NHSL1: variants seen among roughly 807,000 people sequenced by gnomAD.
NHSL1 encodes NHS like 1.
Under a neutral mutation model 95.0 loss-of-function variants are expected in NHSL1, and 48 were observed. The observed-to-expected ratio is 0.51, with a 90% confidence interval of 0.40 to 0.64. NHSL1 has a LOEUF of 0.64. Ranked by LOEUF, NHSL1 falls within the 30% of genes least tolerant of loss-of-function variation. The pLI, the probability that NHSL1 is intolerant of heterozygous loss-of-function variation, is 0.00. For synonymous variants in NHSL1, 783 were observed against 833.9 expected (o/e 0.94, Z 1.05); for missense variants, 1,971 against 2,077.7 (o/e 0.95, Z 1.00).
At chr6:138,484,930 G>A (rs933480067) in intron 2 of NHSL1, among the ~76,000 whole-genome samples, 2 of 152,164 alleles carry the variant, frequency 1.3e-5, no homozygotes, top group Non-Finnish European at 2.9e-5. Context: ...CACATGCCCA[G>A]ATTAATTTAA....
intron 1 of NHSL1, among the ~76,000 whole-genome samples, chr6:138,561,625 T>C (rs1783413798): frequency 1.3e-5 from 2 of 152,178 alleles, no homozygotes; most frequent in Non-Finnish European, 2.9e-5. Flanking sequence ...GAAGGTTGCT[T>C]TATATCAAGT....
intron 2 of NHSL1, among the ~76,000 whole-genome samples, chr6:138,481,432 T>C (rs1779413002): frequency 6.6e-6 from 1 of 152,248 alleles, no homozygotes; most frequent in African/African-American, 2.4e-5. Flanking sequence ...AGATTTTCCA[T>C]AAATTCTTCA....
intron 1 of NHSL1, among the ~76,000 whole-genome samples, chr6:138,643,446 G>A (rs1275743629): frequency 6.6e-6 from 1 of 152,110 alleles, no homozygotes; most frequent in Non-Finnish European, 1.5e-5. Context: ...GACATTTTAT[G>A]TGTCTGGACA....
rs1775119496 is a variant in NHSL1, at chr6:138,424,422, C to T, written c.4480G>A (p.Gly1494Ser). 6.5e-7 allele frequency: 1 copy of T among 1,550,080 alleles called. No individual in the cohort carries two copies. The highest frequency in any genetic ancestry group is 1.2e-5 in the South Asian group (1 of 84,018). ...GTTCGGCTGCGGCCGTACCTGGGGC[C>T]GGAAAAGGACAGACTCCGAGGCATC... ...GLMPRSLSFS[G>S]PRYGRSRTPP... The change falls in exon 8 of 8, where the codon GGC becomes AGC. Residue 1494 changes from glycine (G) to serine (S), a missense_variant. Around this residue, in one of 3 missense-constraint regions of NHSL1, gnomAD observed 223 missense variants for 217.0 expected, o/e 1.03. Coordinates refer to ENST00000343505, the MANE Select transcript of NHSL1 (RefSeq NM_001144060.2). This position sits in a 1 kb window ranked among gnomAD's most constrained non-coding sequence, Gnocchi z 5.9.
intron 3 of NHSL1, among the ~76,000 whole-genome samples, chr6:138,460,543 A>G (rs571316263): frequency 3.3e-5 from 5 of 152,036 alleles, no homozygotes; most frequent in African/African-American, 1.2e-4. Context: ...ACATTATATT[A>G]GTTATTATAA....
In NHSL1 at chr6:138,424,048, C is replaced by T; in HGVS notation, c.*33G>A. 2.2e-6 allele frequency: 3 copies of T among 1,355,066 alleles called. No individual in the cohort carries two copies. Among genetic ancestry groups the T allele is most frequent in the Non-Finnish European group, 1.9e-6 (2 of 1,056,720 alleles). 83.9% of individuals were successfully genotyped at this position (1,355,066 alleles called of 1,614,324 possible). ...TAGAGTGCTGCATTGCTCGTCTCCC[C>T]CCGTGTCACCTGGGAGAGTTACGTT... On this transcript the variant is annotated 3_prime_UTR_variant, in exon 8 of 8. Transcript: ENST00000343505. This position sits in a 1 kb window ranked among gnomAD's most constrained non-coding sequence, Gnocchi z 5.9.
intron 3 of NHSL1, among the ~76,000 whole-genome samples, chr6:138,453,892 TG>T (rs1777403954): frequency 6.6e-6 from 1 of 151,732 alleles, no homozygotes; most frequent in South Asian, 2.1e-4. Flanking sequence ...TAAAATATTT[TG>T]GATCTTAACT....
rs1775503468 is a variant in NHSL1 at position 138,429,759 on chromosome 6, G to T, written c.4037C>A (p.Thr1346Asn). ...TTCTGTGGTCCTGGGTCGACTGGGG[G>T]TCATTACCTCATCATTCCCGTCTTC... ...LKEDGNDEVM[T>N]PSRPRTTEDL... Residue 1346 changes from threonine to asparagine, a missense_variant, in exon 7 of 8, where the codon ACC becomes AAC. This residue lies in a region of NHSL1 where 146 missense variants were observed against 206.3 expected (regional missense o/e 0.71). Coordinates refer to ENST00000343505, the MANE Select transcript of NHSL1 (RefSeq NM_001144060.2). 4 of 1,551,848 alleles carry T rather than the reference G, an allele frequency of 2.6e-6. No homozygotes were observed. Among genetic ancestry groups the T allele is most frequent in the Admixed American group, 2.0e-5 (1 of 50,994 alleles).
chr6:138,622,269 G>A (rs1055879307), intron 1 of NHSL1, among the ~76,000 whole-genome samples: 4 of 152,100 alleles, frequency 2.6e-5, no homozygotes, highest in Admixed American at 6.6e-5. Flanking sequence ...TTAGGAGGCC[G>A]AGGTGGGTGG....
intron 1 of NHSL1, among the ~76,000 whole-genome samples, chr6:138,517,551 G>C (rs1210040659): frequency 2.0e-5 from 3 of 152,220 alleles, no homozygotes; most frequent in Non-Finnish European, 4.4e-5. Flanking sequence ...AAGACAGCCA[G>C]TGCCTTGTTA....
At chr6:138,687,741 G>C (rs2114800138) in intron 1 of NHSL1, among the ~76,000 whole-genome samples, 1 of 152,250 alleles carries the variant, frequency 6.6e-6, no homozygotes. Context: ...AAAAAAGCCA[G>C]GCACATGATT....
intron 1 of NHSL1, among the ~76,000 whole-genome samples, chr6:138,517,360 A>C (rs983236648): frequency 2.6e-5 from 4 of 152,222 alleles, no homozygotes; most frequent in African/African-American, 7.2e-5. Context: ...GTCATGATTA[A>C]AGCCCATGAA....
At chr6:138,665,628 A>G (rs919860313) in intron 1 of NHSL1, among the ~76,000 whole-genome samples, 1 of 152,210 alleles carries the variant, frequency 6.6e-6, no homozygotes, top group African/African-American at 2.4e-5. Context: ...ATTATGGTAA[A>G]TTATATTCCA....
intron 1 of NHSL1, among the ~76,000 whole-genome samples, chr6:138,612,855 G>C (rs1439103194): frequency 1.3e-5 from 2 of 152,110 alleles, no homozygotes; most frequent in African/African-American, 4.8e-5. Flanking sequence ...AACTTCCCTT[G>C]CTGATACAAA....
intron 1 of NHSL1, among the ~76,000 whole-genome samples, chr6:138,631,102 C>G (rs1784813478): frequency 6.6e-6 from 1 of 152,168 alleles, no homozygotes; most frequent in Non-Finnish European, 1.5e-5. Flanking sequence ...CAGTGCTGCT[C>G]TGCTATAGCA....
At chr6:138,507,235 C>T (rs1426969454) in intron 1 of NHSL1, among the ~76,000 whole-genome samples, 4 of 152,146 alleles carry the variant, frequency 2.6e-5, no homozygotes, top group Non-Finnish European at 5.9e-5. Context: ...CAAGTACAAA[C>T]ATCACCTATG....
intron 1 of NHSL1, among the ~76,000 whole-genome samples, chr6:138,614,662 G>A (rs889057103): frequency 3.3e-5 from 5 of 152,094 alleles, no homozygotes; most frequent in African/African-American, 4.8e-5. Context: ...TCCACAACCC[G>A]CAGGCCATGG....
chr6:138,436,044 C>T (rs1230969210), intron 5 of NHSL1, among the ~76,000 whole-genome samples: 1 of 152,152 alleles, frequency 6.6e-6, no homozygotes, highest in Non-Finnish European at 1.5e-5. Context: ...TTCTCTCCCT[C>T]TTCTTGGGCT....
At chr6:138,478,754 A>G (rs1779241999) in intron 2 of NHSL1, among the ~76,000 whole-genome samples, 2 of 152,138 alleles carry the variant, frequency 1.3e-5, no homozygotes, top group Non-Finnish European at 1.5e-5. Context: ...TTACAGCAAA[A>G]CTGTGTTATT....
Sources: allele counts gnomAD v4.1 joint callset (sites outside exome capture counted in the v4.1 genomes callset), GRCh38; gene constraint gnomAD v4.1.1; regional missense constraint gnomAD v4.1.1; non-coding constraint Gnocchi (gnomAD v3.1); transcripts MANE v1.5; gene names NCBI Gene and HGNC (gene_info 2026-07-23, HGNC 2026-07-21).